Variants in TREH observed in about 807,000 individuals in gnomAD.
TREH encodes trehalase, also known as alpha,alpha-trehalose glucohydrolase.
TREH carries 69 observed loss-of-function variants against 80.5 expected under a neutral mutation model. The ratio of observed to expected loss-of-function variants is 0.86; its 90% CI spans 0.71 to 1.05. The LOEUF is 1.05. Among genes scored for constraint, TREH ranks in the 50% least tolerant of loss-of-function variants. TREH has a pLI of 0.00. For synonymous variants in TREH, 309 were observed against 293.5 expected (o/e 1.05, Z -0.54); for missense variants, 716 against 718.8 (o/e 1.00, Z 0.04).
At position 118,663,354 on chromosome 11, in the gene TREH, G is replaced by A; in HGVS notation, c.175C>T (p.Leu59=). The A allele has an allele frequency of 6.3e-7, 1 of 1,593,326 alleles. No individual in the cohort carries two copies. The highest frequency in any genetic ancestry group is 8.5e-7 in the Non-Finnish European group (1 of 1,169,726). Residue 59 remains leucine (L), a synonymous_variant, in exon 2 of 15, where the codon CTG becomes TTG. Transcript: ENST00000264029. ...QDDKQFVDMP[L]SIAPEQVLQT... ...GGTGCTTCACCTGGAGCTATAGACAGTGGCATGTCCACAAACTGCTTGTCA... is the reference window on the plus strand; with the variant it reads ...GGTGCTTCACCTGGAGCTATAGACAATGGCATGTCCACAAACTGCTTGTCA...
intron 10 of TREH, 64 bp from the exon 11 acceptor site, chr11:118,660,028 G>A (rs377755775): frequency 2.2e-5 from 33 of 1,470,700 alleles, no homozygotes; most frequent in African/African-American, 8.5e-5. Flanking sequence ...GGCTTTTTTC[G>A]TGGTTCTACT....
At chr11:118,676,486 G>T (rs1244299865) in intron 1 of TREH, among the ~76,000 whole-genome samples, 1 of 151,762 alleles carries the variant, frequency 6.6e-6, no homozygotes, top group Admixed American at 6.6e-5. Flanking sequence ...AAAGCAATCA[G>T]GCCAGGTGCA....
Position 118,661,647 on chromosome 11 carries a change from G to C in TREH, c.607C>G (p.Leu203Val). The change falls in exon 6 of 15, where the codon CTG (leucine) becomes GTG (valine). Residue 203 changes from leucine to valine, a missense_variant. Coordinates refer to ENST00000264029, the MANE Select transcript of TREH (RefSeq NM_007180.3). The surrounding 1 kb of genome is among the most constrained non-coding windows in gnomAD (Gnocchi z 4.2). ...CCTGGCCCCCCTCACGTTTTCACCA[G>C]GTCCAAGAAGTTCTGCAGCATGCCC... ...VKGMLQNFLDLVKTYGHVPNG... is the reference protein window; with the variant it reads ...VKGMLQNFLDVVKTYGHVPNG... 6.2e-7 allele frequency: 1 copy of C among 1,613,906 alleles called. No individual in the cohort carries two copies. The highest frequency in any genetic ancestry group is 8.5e-7 in the Non-Finnish European group (1 of 1,179,872).
At chr11:118,658,860 C>CA (rs1238109010) in intron 13 of TREH, 45 bp downstream of exon 13, 6 of 1,610,124 alleles carry the variant, frequency 3.7e-6, no homozygotes, top group Middle Eastern at 3.3e-4. Flanking sequence ...CAGGAGTGGC[C>CA]ACTGGGACAG....
chr11:118,660,231 G>A (rs955660074), intron 10 of TREH, among the ~76,000 whole-genome samples: 4 of 152,194 alleles, frequency 2.6e-5, no homozygotes, highest in Admixed American at 6.5e-5. Context: ...GATTCCCCTA[G>A]CTCTTAGGGG....
chr11:118,660,518 C>G (rs897734571), intron 10 of TREH, 21 bp downstream of exon 10: 4 of 1,568,228 alleles, frequency 2.6e-6, no homozygotes, highest in Middle Eastern at 1.7e-4. Flanking sequence ...CCTGCTTTCC[C>G]TTCCCTACTG....
chr11:118,675,576 G>C lies in TREH; in HGVS notation c.89+3963C>G, dbSNP rs182620448. 8.5e-5 allele frequency among the ~76,000 whole-genome samples: 13 copies of C among 152,288 alleles called. No homozygotes were observed. In the East Asian group the frequency reaches 2.5e-3, roughly 29 times the overall value. On this transcript the variant is annotated intron_variant, in intron 1 of 14. Coordinates refer to ENST00000264029, the MANE Select transcript of TREH (RefSeq NM_007180.3). ...ACAAGCCAGGATCAGCCAAATGAAG[G>C]GGTGCATGGGGCAAGGTCTAGGGGG...
Position 118,659,390 on chromosome 11 carries a change from A to G in TREH, c.1412T>C (p.Leu471Pro). Reference protein sequence around the residue: ...QWDFPNAWAPLQDLVIRGLAK... With the variant: ...QWDFPNAWAPPQDLVIRGLAK... Reference sequence around the variant, plus strand: ...CCTACCTCTGATGACCAGGTCCTGCAGGGGGGCCCAGGCATTGGGGAAATC... The same window carrying G: ...CCTACCTCTGATGACCAGGTCCTGCGGGGGGGCCCAGGCATTGGGGAAATC... Residue 471 changes from leucine (L) to proline (P), a missense_variant, in exon 12 of 15, where the codon CTG (leucine) becomes CCG (proline). By Grantham distance (98) the Leu-to-Pro change is moderately conservative. Transcript: ENST00000264029. 1 of 1,592,544 alleles carries G rather than the reference A, an allele frequency of 6.3e-7. No individual in the cohort carries two copies. Among genetic ancestry groups the G allele is most frequent in the Non-Finnish European group, 8.6e-7 (1 of 1,168,538 alleles).
intron 1 of TREH, among the ~76,000 whole-genome samples, chr11:118,668,252 C>G (rs1185049380): frequency 2.0e-5 from 3 of 149,166 alleles, no homozygotes; most frequent in Non-Finnish European, 4.4e-5. Flanking sequence ...TCCTACAAAG[C>G]CAGTATTACC....
intron 4 of TREH, 37 bp downstream of exon 4, chr11:118,662,844 C>T (rs1555145223): frequency 1.3e-6 from 2 of 1,552,264 alleles, no homozygotes; most frequent in African/African-American, 1.4e-5. Flanking sequence ...CTTCAGTTCC[C>T]TTGGTCAGGC....
intron 10 of TREH, 21 bp from the exon 11 acceptor site, chr11:118,659,985 G>A (rs1591828543): frequency 1.3e-6 from 2 of 1,548,294 alleles, no homozygotes; most frequent in African/African-American, 2.7e-5. Flanking sequence ...GCTGCCTTTA[G>A]AGCCAGCAGC....
Position 118,661,234 on chromosome 11 carries a change from G to A in TREH, c.783C>T (p.Asn261=), listed in dbSNP as rs1949317606. The A allele has an allele frequency of 6.2e-7, 1 of 1,613,876 alleles. No homozygotes were observed. Among genetic ancestry groups the A allele is most frequent in the Non-Finnish European group, 8.5e-7 (1 of 1,179,894 alleles). The change falls in exon 8 of 15, where the codon AAC becomes AAT. Residue 261 remains asparagine (N), a synonymous_variant. Transcript: ENST00000264029. This position sits in a 1 kb window ranked among gnomAD's most constrained non-coding sequence, Gnocchi z 4.2. ...CCTCCAAGCTCACAGAGACAGTCCT[G>A]TTCTTGGTCCAAAAGTCCAATTCCA... The part of the protein sequence containing the change: ...LALELDFWTK[N]RTVSVSLEGK...
Position 118,661,019 on chromosome 11 carries a change from C to T in TREH, c.858-104G>A. On this transcript the variant is annotated intron_variant, in intron 8 of 14. Transcript: ENST00000264029. The surrounding 1 kb of genome is among the most constrained non-coding windows in gnomAD (Gnocchi z 4.2). ...TTGATCCAGCTGCCCTTGGGCCCCACAGCCCAGGATTGCAGAGGGCTCTCG... is the reference window on the plus strand; with the variant it reads ...TTGATCCAGCTGCCCTTGGGCCCCATAGCCCAGGATTGCAGAGGGCTCTCG... 1 of 1,549,964 alleles carries T rather than the reference C, an allele frequency of 6.5e-7. No homozygotes were observed. Among genetic ancestry groups the T allele is most frequent in the Non-Finnish European group, 8.8e-7 (1 of 1,142,106 alleles).
chr11:118,666,514 G>C (rs1157853202), intron 1 of TREH, among the ~76,000 whole-genome samples: 3 of 152,234 alleles, frequency 2.0e-5, no homozygotes, highest in Non-Finnish European at 2.9e-5. Context: ...TTGGTCATGT[G>C]ATATGATGAT....
intron 14 of TREH, 39 bp downstream of exon 14, chr11:118,658,641 G>A (rs1219034766): frequency 6.4e-7 from 1 of 1,559,398 alleles, no homozygotes; most frequent in Admixed American, 1.9e-5. Flanking sequence ...GAGTTCAGGA[G>A]TTCCCTGGTG....
intron 4 of TREH, 90 bp from the exon 5 acceptor site, chr11:118,662,080 A>T (rs1464761622): frequency 5.8e-6 from 6 of 1,040,450 alleles, no homozygotes; most frequent in Non-Finnish European, 8.7e-6. Flanking sequence ...CCCGGGAGTC[A>T]CAGCTTTGGA....
chr11:118,659,396 G>T lies in TREH; in HGVS notation c.1406C>A (p.Ala469Asp), dbSNP rs367908002. The T allele has an allele frequency of 3.8e-6, 6 of 1,596,236 alleles. No homozygotes were observed. The African/African-American group carries it at 5.4e-5, about 14-fold the overall frequency. Residue 469 changes from alanine to aspartate, a missense_variant, in exon 12 of 15, where the codon GCC (alanine) becomes GAC (aspartate). Physicochemically the swap from Ala to Asp is moderately radical, Grantham distance 126. Transcript: ENST00000264029. ...GQQWDFPNAW[A>D]PLQDLVIRGL... is the part of the protein sequence containing the mutation. ...TCTGATGACCAGGTCCTGCAGGGGGGCCCAGGCATTGGGGAAATCCCACTG... is the reference window on the plus strand; with the variant it reads ...TCTGATGACCAGGTCCTGCAGGGGGTCCCAGGCATTGGGGAAATCCCACTG...
At chr11:118,658,792 A>G in intron 13 of TREH, 59 bp from the exon 14 acceptor site, 1 of 1,611,646 alleles carries the variant, frequency 6.2e-7, no homozygotes, top group Non-Finnish European at 8.5e-7. Flanking sequence ...AGGAACAACA[A>G]ACAACCAGAG....
Position 118,661,575 on chromosome 11 carries a change from C to T in TREH, c.617+62G>A, listed in dbSNP as rs1278849500. On this transcript the variant is annotated intron_variant, in intron 6 of 14. Transcript: ENST00000264029. The surrounding 1 kb of genome is among the most constrained non-coding windows in gnomAD (Gnocchi z 4.2). ...AACTGGCACCAAGGCAATCCAGCTG[C>T]ATGCCCGTGGCACACCTGCCTCTCC... 13 of 1,612,742 alleles carry T rather than the reference C, an allele frequency of 8.1e-6. No homozygotes were observed. The highest frequency in any genetic ancestry group is 1.7e-5 in the Admixed American group (1 of 59,956).
Sources: allele counts gnomAD v4.1 joint callset (sites outside exome capture counted in the v4.1 genomes callset), GRCh38; gene constraint gnomAD v4.1.1; non-coding constraint Gnocchi (gnomAD v3.1); transcripts MANE v1.5; gene names NCBI Gene and HGNC (gene_info 2026-07-23, HGNC 2026-07-21).